The following ASPRV1 variants were observed in gnomAD, a reference collection of about 807,000 sequenced individuals.
ASPRV1 encodes retroviral-like aspartic protease 1.
Under a neutral mutation model 11.0 loss-of-function variants are expected in ASPRV1, and 7 were observed. The ratio of observed to expected loss-of-function variants is 0.64; its 90% CI spans 0.36 to 1.20. ASPRV1 has a LOEUF of 1.20. Ranked by LOEUF, ASPRV1 falls within the 50% of genes most tolerant of loss-of-function variation. The probability of loss-of-function intolerance (pLI) is 0.02; values close to 1 mark genes in which losing one functional copy is unlikely to be tolerated. For missense variants in ASPRV1, 299 were observed against 320.0 expected, an observed-to-expected ratio of 0.93 and a Z score of 0.50; for synonymous variants, 136 against 138.4, an observed-to-expected ratio of 0.98 and a Z score of 0.12.
the ASPRV1 span, among the ~76,000 whole-genome samples, chr2:70,075,685 A>G: frequency 6.6e-6 from 1 of 152,002 alleles, no homozygotes; most frequent in Non-Finnish European, 1.5e-5. Context: ...TGTCTCTACT[A>G]AAAATACAAA....
the ASPRV1 span, among the ~76,000 whole-genome samples, chr2:69,989,831 G>C: frequency 6.6e-6 from 1 of 152,202 alleles, no homozygotes; most frequent in Non-Finnish European, 1.5e-5. Flanking sequence ...TCTTGAAGGC[G>C]GGGACCCACC....
chr2:70,000,041 C>T, the ASPRV1 span, among the ~76,000 whole-genome samples: 2 of 152,216 alleles, frequency 1.3e-5, no homozygotes, highest in Non-Finnish European at 2.9e-5. Context: ...TCCCTGCTGG[C>T]CTCCCTGCTT....
the ASPRV1 span, among the ~76,000 whole-genome samples, chr2:70,010,936 C>T: frequency 6.6e-6 from 1 of 152,174 alleles, no homozygotes; most frequent in East Asian, 1.9e-4. Flanking sequence ...TGCACAGAGC[C>T]TGGTATGGTA....
the ASPRV1 span, among the ~76,000 whole-genome samples, chr2:70,035,446 G>C: frequency 6.6e-6 from 1 of 151,924 alleles, no homozygotes; most frequent in East Asian, 1.9e-4. Context: ...GCTGTGGGAA[G>C]ACTGTTTCAC....
chr2:69,971,571 T>TA, the ASPRV1 span, among the ~76,000 whole-genome samples: 2 of 152,222 alleles, frequency 1.3e-5, no homozygotes, highest in African/African-American at 4.8e-5. Context: ...TATCTGAAGG[T>TA]AAAATAACAA....
the ASPRV1 span, among the ~76,000 whole-genome samples, chr2:69,985,067 A>G: frequency 6.6e-6 from 1 of 152,156 alleles, no homozygotes; most frequent in East Asian, 1.9e-4. Flanking sequence ...TGTGTTAGCC[A>G]GGATGGTCTC....
the ASPRV1 span, among the ~76,000 whole-genome samples, chr2:69,990,009 C>T: frequency 6.2e-3 from 943 of 152,264 alleles, 10 homozygotes; most frequent in African/African-American, 0.021. Context: ...CTCTTTTAAC[C>T]CTCACGGAAA....
At chr2:70,006,465 G>A in the ASPRV1 span, among the ~76,000 whole-genome samples, 1 of 152,274 alleles carries the variant, frequency 6.6e-6, no homozygotes, top group East Asian at 1.9e-4. Context: ...GTGGCTTCTA[G>A]CTGGGAGGTA....
At chr2:69,933,091 CAGG>C in the ASPRV1 span, among the ~76,000 whole-genome samples, 2 of 148,740 alleles carry the variant, frequency 1.3e-5, no homozygotes, top group Admixed American at 1.4e-4. Flanking sequence ...CCCAGATACT[CAGG>C]AGGCTGAAGA....
chr2:69,959,665 C>A (rs1278372022), downstream of ASPRV1, among the ~76,000 whole-genome samples: 1 of 152,170 alleles, frequency 6.6e-6, no homozygotes, highest in Admixed American at 6.5e-5. Context: ...CACAGGTCAA[C>A]ACTTGTCTCC....
At chr2:70,034,575 A>C in the ASPRV1 span, among the ~76,000 whole-genome samples, 2 of 152,010 alleles carry the variant, frequency 1.3e-5, no homozygotes, top group African/African-American at 4.8e-5. Flanking sequence ...TGTCTCAAAA[A>C]AAAAAAAAAA....
chr2:69,979,505 C>T, the ASPRV1 span, among the ~76,000 whole-genome samples: 1 of 152,174 alleles, frequency 6.6e-6, no homozygotes, highest in Non-Finnish European at 1.5e-5. Flanking sequence ...GAGGCCTGTA[C>T]TATGTCCCTC....
chr2:70,043,873 C>T, the ASPRV1 span, among the ~76,000 whole-genome samples: 1 of 152,176 alleles, frequency 6.6e-6, no homozygotes, highest in Non-Finnish European at 1.5e-5. Flanking sequence ...TGCTGGTGGG[C>T]TATCTACTCA....
At chr2:70,047,168 CAA>C in the ASPRV1 span, among the ~76,000 whole-genome samples, 3 of 152,098 alleles carry the variant, frequency 2.0e-5, no homozygotes, top group African/African-American at 4.8e-5. Context: ...CAGCAGCAAA[CAA>C]AAGAGATGTG....
the ASPRV1 span, chr2:70,045,555 T>A: frequency 6.6e-6 from 1 of 152,156 alleles, no homozygotes; most frequent in African/African-American, 2.4e-5. Flanking sequence ...TAAGAGCTGA[T>A]CTAATCACAC....
At chr2:70,064,548 G>C in the ASPRV1 span, among the ~76,000 whole-genome samples, 1 of 152,188 alleles carries the variant, frequency 6.6e-6, no homozygotes, top group South Asian at 2.1e-4. Context: ...GGCAGTGGCA[G>C]AGCATGGGAG....
At chr2:70,019,712 T>G in the ASPRV1 span, among the ~76,000 whole-genome samples, 2 of 152,046 alleles carry the variant, frequency 1.3e-5, no homozygotes, top group African/African-American at 4.8e-5. Context: ...TATAAAATAG[T>G]TGAACTCATA....
chr2:70,085,828 C>G, the ASPRV1 span: 1 of 152,230 alleles, frequency 6.6e-6, no homozygotes, highest in African/African-American at 2.4e-5. Flanking sequence ...GCCAACTGTC[C>G]TATGAAAAAG....
At chr2:70,042,317 G>A in the ASPRV1 span, among the ~76,000 whole-genome samples, 1 of 152,170 alleles carries the variant, frequency 6.6e-6, no homozygotes, top group Non-Finnish European at 1.5e-5. Flanking sequence ...AAGAGCACTA[G>A]GCGAAGTTCA....
Sources: gnomAD v4.1 joint callset for allele counts (sites outside exome capture counted in the v4.1 genomes callset) on GRCh38, gnomAD v4.1.1 for gene constraint, MANE v1.5 for transcripts, NCBI Gene and HGNC (gene_info 2026-07-23, HGNC 2026-07-21) for gene names.